Variants in RIMS2 observed in about 807,000 individuals in gnomAD.
The protein encoded by RIMS2 is regulating synaptic membrane exocytosis 2, also known as regulating synaptic membrane exocytosis protein 2.
RIMS2 carries 59 observed loss-of-function variants against 174.4 expected under a neutral mutation model. The ratio of observed to expected loss-of-function variants is 0.34; its 90% CI spans 0.27 to 0.42. RIMS2 has a LOEUF of 0.42. Ranked by LOEUF, RIMS2 falls within the 10% of genes least tolerant of loss-of-function variation. The pLI, the probability that RIMS2 is intolerant of heterozygous loss-of-function variation, is 1.00. For missense variants in RIMS2, 1,620 were observed against 1,666.3 expected, an observed-to-expected ratio of 0.97 and a Z score of 0.48; for synonymous variants, 606 against 572.5, an observed-to-expected ratio of 1.06 and a Z score of -0.84.
At chr8:104,173,920 GATTT>G (rs71297263) in intron 19 of RIMS2, among the ~76,000 whole-genome samples, 4,266 of 138,990 alleles carry the variant, frequency 0.031, 74 homozygotes, top group Middle Eastern at 0.036. Context: ...AATGTTAAAG[GATTT>G]ATTTATTTAT....
At chr8:103,530,898 G>C (rs1410830867) in intron 1 of RIMS2, among the ~76,000 whole-genome samples, 2 of 151,876 alleles carry the variant, frequency 1.3e-5, no homozygotes, top group Non-Finnish European at 2.9e-5. Flanking sequence ...TGGTTACATG[G>C]ATGTATTAAA....
chr8:103,715,690 C>T (rs7828141), intron 2 of RIMS2, among the ~76,000 whole-genome samples: 1,556 of 152,194 alleles, frequency 0.01, 31 homozygotes, highest in African/African-American at 0.036. Flanking sequence ...ATTTTCCACA[C>T]TTATCATATT....
chr8:103,733,487 T>TA (rs2138999966), intron 2 of RIMS2, among the ~76,000 whole-genome samples: 1 of 152,286 alleles, frequency 6.6e-6, no homozygotes, highest in Admixed American at 6.5e-5. Flanking sequence ...CACCAGGACT[T>TA]ACCCAGAAAT....
chr8:103,795,067 G>C (rs185399048), intron 3 of RIMS2, among the ~76,000 whole-genome samples: 24,018 of 151,976 alleles, frequency 0.16, 2,016 homozygotes, highest in Middle Eastern at 0.24. Context: ...CCATTTGACC[G>C]AGCCATCCCA....
intron 9 of RIMS2, among the ~76,000 whole-genome samples, chr8:103,920,411 CA>C: frequency 6.6e-6 from 1 of 151,782 alleles, no homozygotes; most frequent in East Asian, 1.9e-4. Context: ...ACAACAACAA[CA>C]AAAAAAACCC....
At chr8:103,792,111 A>T (rs982688248) in intron 3 of RIMS2, among the ~76,000 whole-genome samples, 10 of 152,180 alleles carry the variant, frequency 6.6e-5, no homozygotes, top group Admixed American at 1.3e-4. Context: ...AAATCAACAG[A>T]ATATACATTC....
intron 2 of RIMS2, among the ~76,000 whole-genome samples, chr8:103,764,929 A>G (rs948689129): frequency 3.9e-5 from 6 of 152,198 alleles, no homozygotes; most frequent in Non-Finnish European, 7.4e-5. Context: ...CAATGAAAGA[A>G]CAAAATAATA....
At chr8:103,616,911 T>C (rs923248895) in intron 1 of RIMS2, among the ~76,000 whole-genome samples, 8 of 152,190 alleles carry the variant, frequency 5.3e-5, no homozygotes, top group Admixed American at 3.9e-4. Context: ...TGTTCATGGA[T>C]AGGAAGAATC....
At chr8:104,201,116 C>T (rs185746468) in intron 19 of RIMS2, among the ~76,000 whole-genome samples, 10 of 152,120 alleles carry the variant, frequency 6.6e-5, no homozygotes, top group Admixed American at 1.3e-4. Context: ...GTTTTTTAAA[C>T]CCTCTCCCTC....
chr8:103,820,421 A>G (rs1447783516), intron 3 of RIMS2, among the ~76,000 whole-genome samples: 2 of 152,024 alleles, frequency 1.3e-5, no homozygotes, highest in African/African-American at 4.8e-5. Flanking sequence ...TGAGAAAGAA[A>G]TTCTGTGAAC....
At chr8:104,251,028 G>C in exon 23 of RIMS2, 1 of 1,612,508 alleles carries the variant, frequency 6.2e-7, no homozygotes, top group Non-Finnish European at 8.5e-7. Flanking sequence ...CCCAAGCACC[G>C]TATGTAAAAG....
chr8:103,766,135 G>A (rs1335814384), intron 2 of RIMS2, 92 bp from the exon 6 acceptor site: 9 of 774,740 alleles, frequency 1.2e-5, no homozygotes, highest in Non-Finnish European at 1.0e-5. Context: ...GGATAACCAC[G>A]TAATTTTTTG....
chr8:103,610,744 A>G (rs2095339416), intron 1 of RIMS2, among the ~76,000 whole-genome samples: 1 of 152,086 alleles, frequency 6.6e-6, no homozygotes, highest in Non-Finnish European at 1.5e-5. Context: ...TATTTTGTTG[A>G]AGAGTTTTAC....
In RIMS2 at chr8:103,678,754, G is replaced by A. The variant is rs371418303; in HGVS notation, c.177-18332G>A. On this transcript the variant is annotated intron_variant, in intron 1 of 23. Coordinates refer to ENST00000504942, the Ensembl canonical transcript of RIMS2. ...TCAAAATGTTTTTAAATGCATAAAA[G>A]ATAATACATGCAATTAAAAAGGAAG... 2.3e-3 allele frequency among the ~76,000 whole-genome samples: 344 copies of A among 152,152 alleles called. 1 individual carries two copies. In the Middle Eastern group the frequency reaches 0.082, roughly 36 times the overall value.
At chr8:103,924,069 T>A (rs1461954359) in intron 10 of RIMS2, among the ~76,000 whole-genome samples, 1 of 151,660 alleles carries the variant, frequency 6.6e-6, no homozygotes, top group Non-Finnish European at 1.5e-5. Flanking sequence ...TTATGAATAA[T>A]GATACTGTGG....
intron 2 of RIMS2, among the ~76,000 whole-genome samples, chr8:103,725,018 A>G (rs1478218255): frequency 6.6e-6 from 1 of 152,182 alleles, no homozygotes; most frequent in Non-Finnish European, 1.5e-5. Context: ...CAAAAATATG[A>G]GAAGGGACTA....
At chr8:104,164,044 A>G (rs917108421) in intron 19 of RIMS2, among the ~76,000 whole-genome samples, 1 of 152,158 alleles carries the variant, frequency 6.6e-6, no homozygotes, top group Non-Finnish European at 1.5e-5. Flanking sequence ...CAAAGGAAAT[A>G]TCGTAGCCCA....
chr8:103,556,736 C>A (rs1195738495), intron 1 of RIMS2, among the ~76,000 whole-genome samples: 1 of 151,984 alleles, frequency 6.6e-6, no homozygotes, highest in African/African-American at 2.4e-5. Context: ...TGAACGTGTT[C>A]TCAGTAAGTT....
At chr8:103,641,401 T>C (rs879774629) in intron 1 of RIMS2, among the ~76,000 whole-genome samples, 3 of 152,184 alleles carry the variant, frequency 2.0e-5, no homozygotes, top group Non-Finnish European at 2.9e-5. Context: ...TTCTTTTCTA[T>C]TTTGAAATAT....
Sources: gnomAD v4.1 joint callset for allele counts (sites outside exome capture counted in the v4.1 genomes callset) on GRCh38, gnomAD v4.1.1 for gene constraint, MANE v1.5 for transcripts, NCBI Gene and HGNC (gene_info 2026-07-23, HGNC 2026-07-21) for gene names.